The following SMNDC1 variants were observed in gnomAD, a reference collection of about 807,000 sequenced individuals.
SMNDC1 encodes the protein survival motor neuron domain containing 1.
In SMNDC1, 5 loss-of-function variants were observed where a neutral mutation model predicts 29.2. That is an observed-to-expected ratio of 0.17 (90% CI 0.09 to 0.36). The LOEUF (loss-of-function observed/expected upper bound fraction) is 0.36. Ranked by LOEUF, SMNDC1 falls within the 10% of genes least tolerant of loss-of-function variation. SMNDC1 has a pLI of 1.00. For missense variants in SMNDC1, 142 were observed against 268.5 expected, an observed-to-expected ratio of 0.53 and a Z score of 3.29; for synonymous variants, 80 against 89.9, an observed-to-expected ratio of 0.89 and a Z score of 0.62.
At chr10:110,302,479 T>C (rs1857667804) in intron 2 of SMNDC1, among the ~76,000 whole-genome samples, 1 of 152,162 alleles carries the variant, frequency 6.6e-6, no homozygotes, top group Non-Finnish European at 1.5e-5. Context: ...AGTTCCAGAA[T>C]CCCAAATCCG....
chr10:110,300,704 TGAAG>T, intron 2 of SMNDC1: 1 of 985,424 alleles, frequency 1.0e-6, no homozygotes, highest in Non-Finnish European at 1.2e-6. Flanking sequence ...CTCTGCTTAC[TGAAG>T]GAAGGCGTTT....
At position 110,294,061 on chromosome 10, in the gene SMNDC1, A is replaced by C. The variant is rs1463412047; in HGVS notation, c.*89T>G. ...GACGACAATGGTATCTTGCTTACTC[A>C]TCTAACAAATAATTTACCTTTAGAA... is the stretch of plus-strand genomic sequence containing the variant. On this transcript the variant is annotated 3_prime_UTR_variant, in exon 6 of 6. Coordinates refer to ENST00000369603, the MANE Select transcript of SMNDC1 (RefSeq NM_005871.4). The C allele has an allele frequency of 9.5e-7, 1 of 1,052,738 alleles. No individual in the cohort carries two copies. Among genetic ancestry groups the C allele is most frequent in the African/African-American group, 1.7e-5 (1 of 59,970 alleles). 65.2% of individuals were successfully genotyped at this position (1,052,738 alleles called of 1,614,324 possible).
rs948444362 is a variant in SMNDC1 at position 110,303,606 on chromosome 10, G to A, written c.1-19C>T. 4.5e-6 allele frequency: 7 copies of A among 1,551,558 alleles called. No homozygotes were observed. Among genetic ancestry groups the A allele is most frequent in the Non-Finnish European group, 6.0e-6 (7 of 1,159,634 alleles). ...CTGACATCTAGGGAAAATAAAAAGG[G>A]TTAGACCATGAAAACTAAACCAAAA... On this transcript the variant is annotated intron_variant, in intron 1 of 5. Coordinates refer to ENST00000369603, the MANE Select transcript of SMNDC1 (RefSeq NM_005871.4).
intron 2 of SMNDC1, among the ~76,000 whole-genome samples, chr10:110,302,974 AG>A: frequency 6.6e-6 from 1 of 152,120 alleles, no homozygotes; most frequent in Middle Eastern, 3.2e-3. Flanking sequence ...GTCTCTCTTT[AG>A]GCATTTTTGT....
rs554392347 is a variant in SMNDC1, at chr10:110,297,736, G to A, written c.264-8C>T. 74 of 1,612,838 alleles carry A rather than the reference G, an allele frequency of 4.6e-5. 1 individual carries two copies. In the South Asian group the frequency reaches 7.3e-4, roughly 16 times the overall value. On this transcript the variant is annotated splice_region_variant and splice_polypyrimidine_tract_variant and intron_variant, in intron 3 of 5. Coordinates refer to ENST00000369603, the MANE Select transcript of SMNDC1 (RefSeq NM_005871.4). ...ATCTCCGCTTCATAACACCTGTAAA[G>A]ATATCATGGCTGTAAGCAGGTGAGT...
intron 3 of SMNDC1, 68 bp from the exon 4 acceptor site, chr10:110,297,796 G>A: frequency 3.0e-6 from 4 of 1,337,750 alleles, no homozygotes; most frequent in South Asian, 3.0e-5. Flanking sequence ...GACTTATACT[G>A]TAGTGATAAA....
chr10:110,296,004 A>G (rs555252797), intron 4 of SMNDC1, among the ~76,000 whole-genome samples: 1 of 152,312 alleles, frequency 6.6e-6, no homozygotes, highest in African/African-American at 2.4e-5. Flanking sequence ...GAATAAGTTG[A>G]GTTTCAGTAT....
At position 110,298,784 on chromosome 10, in the gene SMNDC1, T is replaced by A; in HGVS notation, c.127A>T (p.Ile43Leu). 1 of 1,595,746 alleles carries A rather than the reference T, an allele frequency of 6.3e-7. No homozygotes were observed. Among genetic ancestry groups the A allele is most frequent in the Non-Finnish European group, 8.5e-7 (1 of 1,174,746 alleles). ...LKLKKDLQEV[I>L]ELTKDLLSTQ... ...GACAGAAGGTCTTTGGTTAGTTCTA[T>A]AACTTCCTAAAAAAGAAAAACAAAA... is the stretch of plus-strand genomic sequence containing the variant. The change falls in exon 3 of 6, where the codon ATA (isoleucine) becomes TTA (leucine). Residue 43 changes from isoleucine (I) to leucine (L), a missense_variant. Ile to Leu is a conservative substitution (Grantham distance 5). Coordinates refer to ENST00000369603, the MANE Select transcript of SMNDC1 (RefSeq NM_005871.4).
chr10:110,294,293 G>C lies in SMNDC1; in HGVS notation c.580-6C>G. The C allele has an allele frequency of 6.4e-7, 1 of 1,561,766 alleles. No homozygotes were observed. The highest frequency in any genetic ancestry group is 8.6e-7 in the Non-Finnish European group (1 of 1,162,078). On this transcript the variant is annotated splice_region_variant and splice_polypyrimidine_tract_variant and intron_variant, in intron 5 of 5. Transcript: ENST00000369603. Reference sequence around the variant, plus strand: ...GCAAAAATACTCCTCTTTACCTAAGGGAAAGAAAACAGAAATCATTCCTGA... The same window carrying C: ...GCAAAAATACTCCTCTTTACCTAAGCGAAAGAAAACAGAAATCATTCCTGA...
chr10:110,302,006 C>T (rs1043247311), intron 2 of SMNDC1, among the ~76,000 whole-genome samples: 2 of 152,214 alleles, frequency 1.3e-5, no homozygotes, highest in African/African-American at 4.8e-5. Context: ...CCCCTCCTCC[C>T]ACTGCCCAAG....
intron 2 of SMNDC1, among the ~76,000 whole-genome samples, chr10:110,303,243 A>T (rs527662711): frequency 6.6e-6 from 1 of 152,250 alleles, no homozygotes; most frequent in Non-Finnish European, 1.5e-5. Context: ...TTTAAAAATT[A>T]TGTAAGCACA....
chr10:110,298,074 C>T (rs1203982581), intron 3 of SMNDC1, among the ~76,000 whole-genome samples: 1 of 152,112 alleles, frequency 6.6e-6, no homozygotes, highest in African/African-American at 2.4e-5. Flanking sequence ...CTTCAACCTC[C>T]GCCTCCCAGG....
rs1421551336 is a variant in SMNDC1 at position 110,298,746 on chromosome 10, A to G, written c.165T>C (p.Ser55=). The change falls in exon 3 of 6, where the codon TCT becomes TCC. Residue 55 remains serine (S), a synonymous_variant. Coordinates refer to ENST00000369603, the MANE Select transcript of SMNDC1 (RefSeq NM_005871.4). ...AACTGTCTGAACTTGCAAGCGTCTC[A>G]GAAGGTTGAGTTGACAGAAGGTCTT... The part of the protein sequence containing the change: ...LTKDLLSTQP[S]ETLASSDSFA... 2 of 1,613,832 alleles carry G rather than the reference A, an allele frequency of 1.2e-6. No individual in the cohort carries two copies. The highest frequency in any genetic ancestry group is 4.5e-5 in the East Asian group (2 of 44,848).
chr10:110,300,979 GAT>G (rs1329912736), intron 2 of SMNDC1, among the ~76,000 whole-genome samples: 2 of 152,116 alleles, frequency 1.3e-5, no homozygotes, highest in Non-Finnish European at 2.9e-5. Context: ...ACATGAAAGA[GAT>G]AAACATGGAA....
intron 2 of SMNDC1, among the ~76,000 whole-genome samples, chr10:110,300,919 T>A (rs1857636408): frequency 1.3e-5 from 2 of 152,246 alleles, no homozygotes; most frequent in South Asian, 2.1e-4. Flanking sequence ...AGGACTTTAG[T>A]AGATTATTTT....
At chr10:110,296,286 G>C (rs1258806612) in intron 4 of SMNDC1, among the ~76,000 whole-genome samples, 5 of 152,024 alleles carry the variant, frequency 3.3e-5, no homozygotes, top group African/African-American at 1.2e-4. Flanking sequence ...CTCACCAAAA[G>C]GATGAAAAGA....
chr10:110,300,212 A>G (rs1857625395), intron 2 of SMNDC1, among the ~76,000 whole-genome samples: 1 of 152,244 alleles, frequency 6.6e-6, no homozygotes, highest in South Asian at 2.1e-4. Flanking sequence ...ACAGACATGA[A>G]TTCTGCACTT....
chr10:110,297,438 GTTGCTAATC>G, intron 4 of SMNDC1, 120 bp downstream of exon 4: 2 of 806,128 alleles, frequency 2.5e-6, no homozygotes, highest in South Asian at 3.6e-5. Flanking sequence ...TTGACCCTTT[GTTGCTAATC>G]TTCAAAACAA....
chr10:110,295,296 T>C lies in SMNDC1; in HGVS notation c.511A>G (p.Arg171Gly). The stretch of plus-strand genomic sequence containing the variant: ...TGCCATTTCACTTTCTGGTCCTCTC[T>C]TTCCTGCTCAAGTTCTTTTATTCTC... ...AQRIKELEQE[R>G]EDQKVKWQQF... Residue 171 changes from arginine (R) to glycine (G), a missense_variant, in exon 5 of 6, where the codon AGA (arginine) becomes GGA (glycine). Physicochemically the swap from Arg to Gly is moderately radical, Grantham distance 125. Coordinates refer to ENST00000369603, the MANE Select transcript of SMNDC1 (RefSeq NM_005871.4). 1 of 1,611,156 alleles carries C rather than the reference T, an allele frequency of 6.2e-7. No homozygotes were observed. Among genetic ancestry groups the C allele is most frequent in the Non-Finnish European group, 8.5e-7 (1 of 1,179,260 alleles).
Sources: gnomAD v4.1 joint callset for allele counts (sites outside exome capture counted in the v4.1 genomes callset) on GRCh38, gnomAD v4.1.1 for gene constraint, MANE v1.5 for transcripts, NCBI Gene and HGNC (gene_info 2026-07-23, HGNC 2026-07-21) for gene names.